The following SPATA16 variants were observed in gnomAD, a reference collection of about 807,000 sequenced individuals.
SPATA16 encodes spermatogenesis-associated protein 16.
Under a neutral mutation model 63.3 loss-of-function variants are expected in SPATA16, and 36 were observed. The ratio of observed to expected loss-of-function variants is 0.57; its 90% CI spans 0.44 to 0.75. SPATA16 has a LOEUF of 0.75. Among genes scored for constraint, SPATA16 ranks in the 30% least tolerant of loss-of-function variants. The pLI is 0.00. For missense variants in SPATA16, 646 were observed against 679.3 expected (o/e 0.95, Z 0.54); for synonymous variants, 203 against 216.7 (o/e 0.94, Z 0.56).
chr3:172,980,726 G>A (rs540910648), intron 4 of SPATA16, among the ~76,000 whole-genome samples: 5 of 152,164 alleles, frequency 3.3e-5, no homozygotes, highest in East Asian at 1.9e-4. Flanking sequence ...TTCTCCTGGA[G>A]CTTTTCTGCC....
At chr3:172,959,866 C>A (rs1733709655) in intron 5 of SPATA16, among the ~76,000 whole-genome samples, 1 of 145,554 alleles carries the variant, frequency 6.9e-6, no homozygotes, top group South Asian at 2.1e-4. Flanking sequence ...CTAGTGAAAT[C>A]TAGAAAAAAC....
At chr3:172,904,329 T>C (rs1732190150) in intron 10 of SPATA16, among the ~76,000 whole-genome samples, 3 of 152,208 alleles carry the variant, frequency 2.0e-5, no homozygotes, top group Admixed American at 1.3e-4. Flanking sequence ...CAAACTAACA[T>C]AGTTTGATAA....
intron 1 of SPATA16, among the ~76,000 whole-genome samples, chr3:173,130,427 C>G (rs1305602479): frequency 6.6e-6 from 1 of 150,838 alleles, no homozygotes; most frequent in East Asian, 2.0e-4. Flanking sequence ...ACAGCTTTCA[C>G]CATTGTCATT....
chr3:173,048,464 T>A (rs1165736929), intron 3 of SPATA16, among the ~76,000 whole-genome samples: 1 of 151,724 alleles, frequency 6.6e-6, no homozygotes, highest in Non-Finnish European at 1.5e-5. Flanking sequence ...AAAAAGAAAA[T>A]TTTAAGGACA....
intron 10 of SPATA16, among the ~76,000 whole-genome samples, chr3:172,907,813 G>A (rs1264101394): frequency 4.6e-5 from 7 of 151,956 alleles, no homozygotes; most frequent in African/African-American, 1.7e-4. Context: ...CCTGACCTCA[G>A]GTGATCTGCC....
chr3:173,079,472 A>G (rs2108312559), intron 2 of SPATA16, among the ~76,000 whole-genome samples: 1 of 152,342 alleles, frequency 6.6e-6, no homozygotes, highest in African/African-American at 2.4e-5. Flanking sequence ...AGAGGGTTAC[A>G]TAAATTGTAT....
chr3:172,906,465 AAAGAACTTTATTTTGAGAACTG>A (rs1273173101), intron 10 of SPATA16, among the ~76,000 whole-genome samples: 5 of 152,208 alleles, frequency 3.3e-5, no homozygotes, highest in African/African-American at 1.2e-4. Flanking sequence ...GCTCAGATTG[AAAGAACTTTATTTTGAGAACTG>A]AAGACAAACT....
intron 6 of SPATA16, among the ~76,000 whole-genome samples, chr3:172,953,321 G>C (rs1033477617): frequency 6.6e-6 from 1 of 152,060 alleles, no homozygotes; most frequent in African/African-American, 2.4e-5. Context: ...GTCCTGGCTT[G>C]CTGGAGAATG....
At chr3:173,138,107 G>T (rs956858113) in intron 1 of SPATA16, among the ~76,000 whole-genome samples, 1 of 152,000 alleles carries the variant, frequency 6.6e-6, no homozygotes, top group Non-Finnish European at 1.5e-5. Context: ...TGGTGGGGGG[G>T]TGATAATGCA....
At chr3:172,992,186 TA>T (rs543318703) in intron 4 of SPATA16, among the ~76,000 whole-genome samples, 77 of 151,900 alleles carry the variant, frequency 5.1e-4, no homozygotes, top group African/African-American at 1.8e-3. Context: ...TTCTTCTATT[TA>T]AAAAACCACA....
intron 4 of SPATA16, among the ~76,000 whole-genome samples, chr3:172,993,138 T>A (rs1025280824): frequency 1.3e-5 from 2 of 151,384 alleles, no homozygotes; most frequent in African/African-American, 4.9e-5. Flanking sequence ...CAAAACTGAG[T>A]GAACAGAAAG....
chr3:173,107,480 G>C (rs1259542686), intron 2 of SPATA16, among the ~76,000 whole-genome samples: 3 of 147,246 alleles, frequency 2.0e-5, no homozygotes, highest in Non-Finnish European at 4.5e-5. Flanking sequence ...TACTCCCTAA[G>C]TAGCTACATC....
Position 173,137,608 on chromosome 3 carries a change from C to A in SPATA16, c.-19+3495G>T, listed in dbSNP as rs140304919. 4.1e-3 allele frequency among the ~76,000 whole-genome samples: 627 copies of A among 152,222 alleles called. 4 individuals carry two copies. The highest frequency in any genetic ancestry group is 0.015 in the African/African-American group (603 of 41,534). On this transcript the variant is annotated intron_variant, in intron 1 of 10. Transcript: ENST00000351008. Reference sequence around the variant, plus strand: ...AATTTCAATGTATTTCAAGTCTTTTCTTTCAATCTGGTAATGACTCTCATA... The same window carrying A: ...AATTTCAATGTATTTCAAGTCTTTTATTTCAATCTGGTAATGACTCTCATA...
chr3:173,104,666 C>T (rs1172407301), intron 2 of SPATA16, among the ~76,000 whole-genome samples: 1 of 152,156 alleles, frequency 6.6e-6, no homozygotes, highest in Non-Finnish European at 1.5e-5. Flanking sequence ...CACCAGTTCC[C>T]AACTCTAGCA....
chr3:173,083,331 C>T (rs1374847738), intron 2 of SPATA16, among the ~76,000 whole-genome samples: 4 of 151,844 alleles, frequency 2.6e-5, no homozygotes, highest in Non-Finnish European at 5.9e-5. Context: ...CATTTTAAAT[C>T]GCCAGGAATT....
rs556730694 is a variant in SPATA16, at chr3:173,084,565, T to A, written c.612+32555A>T. 4.7e-4 allele frequency among the ~76,000 whole-genome samples: 71 copies of A among 152,326 alleles called. 1 individual carries two copies. The East Asian group carries it at 7.1e-3, about 15-fold the overall frequency. The stretch of plus-strand genomic sequence containing the variant: ...AGTTTTGCTTTTAGTGCAATTGCTT[T>A]TGATGTTTTTGTCATGAAATCTTTG... On this transcript the variant is annotated intron_variant, in intron 2 of 10. Transcript: ENST00000351008.
chr3:172,985,131 C>A (rs537534117), intron 4 of SPATA16, among the ~76,000 whole-genome samples: 1 of 152,262 alleles, frequency 6.6e-6, no homozygotes, highest in African/African-American at 2.4e-5. Context: ...GCCTGGTCCT[C>A]CTCCCTTATC....
chr3:172,944,332 A>T (rs1391996930), intron 6 of SPATA16, among the ~76,000 whole-genome samples: 3 of 152,222 alleles, frequency 2.0e-5, no homozygotes, highest in Non-Finnish European at 4.4e-5. Context: ...ATCTGTTAGG[A>T]TGCTATTAGC....
At chr3:173,049,630 ATTCTCTAGTATG>A (rs1319589438) in intron 2 of SPATA16, among the ~76,000 whole-genome samples, 1 of 152,160 alleles carries the variant, frequency 6.6e-6, no homozygotes, top group African/African-American at 2.4e-5. Flanking sequence ...TCTGAATCAT[ATTCTCTAGTATG>A]TTATTGAAAG....
Sources: gnomAD v4.1 joint callset for allele counts (sites outside exome capture counted in the v4.1 genomes callset) on GRCh38, gnomAD v4.1.1 for gene constraint, MANE v1.5 for transcripts, NCBI Gene and HGNC (gene_info 2026-07-23, HGNC 2026-07-21) for gene names.